NAV3: variants seen among roughly 807,000 people sequenced by gnomAD.
The protein encoded by NAV3 is pore membrane and/or filament interacting like protein 1.
A neutral mutation model predicts 244.7 loss-of-function variants in NAV3; 87 were observed. That is an observed-to-expected ratio of 0.36 (90% CI 0.30 to 0.42). NAV3 has a LOEUF of 0.42. Ranked by LOEUF, NAV3 falls within the 20% of genes least tolerant of loss-of-function variation. The pLI is 1.00. For synonymous variants in NAV3, 1,126 were observed against 1,042.2 expected, an observed-to-expected ratio of 1.08 and a Z score of -1.55; for missense variants, 2,663 against 2,893.3, an observed-to-expected ratio of 0.92 and a Z score of 1.83.
chr12:77,996,320 C>T (rs1872342535), intron 6 of NAV3, among the ~76,000 whole-genome samples: 1 of 152,146 alleles, frequency 6.6e-6, no homozygotes, highest in South Asian at 2.1e-4. Context: ...CTGTAAATTC[C>T]TAGCATCTGT....
intron 20 of NAV3, among the ~76,000 whole-genome samples, chr12:78,142,342 A>C (rs1303819225): frequency 1.3e-5 from 2 of 152,048 alleles, no homozygotes; most frequent in Non-Finnish European, 2.9e-5. Flanking sequence ...TGTCCAGTAG[A>C]CCTTTCTGTG....
chr12:77,934,849 A>G (rs1032092925), intron 1 of NAV3, among the ~76,000 whole-genome samples: 17 of 152,190 alleles, frequency 1.1e-4, no homozygotes, highest in African/African-American at 4.1e-4. Context: ...AAATAAGTAC[A>G]GGGTTAAAAT....
intron 1 of NAV3, among the ~76,000 whole-genome samples, chr12:77,871,247 GA>G (rs1277749496): frequency 1.3e-5 from 2 of 151,936 alleles, no homozygotes; most frequent in Non-Finnish European, 2.9e-5. Flanking sequence ...ATAAGAAGAA[GA>G]AAAAAATTAG....
rs1870767311 is a variant in NAV3 at position 77,608,468 on chromosome 12, T to C, written c.72+36202T>C. On this transcript the variant is annotated intron_variant, in intron 2 of 8. Transcript: ENST00000550042. Reference sequence around the variant, plus strand: ...TGCATGTAATTTAAGCAGACTGTTATATCCTATGTGCAAAATATTTGCTTT... The same window carrying C: ...TGCATGTAATTTAAGCAGACTGTTACATCCTATGTGCAAAATATTTGCTTT... 2.0e-5 allele frequency among the ~76,000 whole-genome samples: 3 copies of C among 152,104 alleles called. No individual in the cohort carries two copies. The South Asian group carries it at 6.2e-4, about 31-fold the overall frequency.
At chr12:77,720,289 A>G (rs1876554313) in intron 2 of NAV3, among the ~76,000 whole-genome samples, 1 of 152,112 alleles carries the variant, frequency 6.6e-6, no homozygotes, top group Non-Finnish European at 1.5e-5. Flanking sequence ...TTGAAAAAAC[A>G]GTCACTTTTC....
At chr12:78,078,238 G>T (rs142936791) in intron 12 of NAV3, among the ~76,000 whole-genome samples, 1 of 152,094 alleles carries the variant, frequency 6.6e-6, no homozygotes, top group African/African-American at 2.4e-5. Flanking sequence ...AGGTTCTAGG[G>T]TTAGGGTTTC....
chr12:78,031,047 A>G (rs76795376), intron 9 of NAV3, among the ~76,000 whole-genome samples: 2,320 of 152,302 alleles, frequency 0.015, 24 homozygotes, highest in Admixed American at 0.039. Context: ...CTCAGTGAGG[A>G]ATAATTCTGC....
At chr12:77,815,149 T>C (rs1246027497) in intron 2 of NAV3, among the ~76,000 whole-genome samples, 2 of 152,188 alleles carry the variant, frequency 1.3e-5, no homozygotes, top group Admixed American at 6.5e-5. Context: ...CCAGTAAAAT[T>C]TTTAGGCTGA....
chr12:77,736,287 G>A (rs1036412079), intron 2 of NAV3, among the ~76,000 whole-genome samples: 3 of 152,130 alleles, frequency 2.0e-5, no homozygotes, highest in Non-Finnish European at 2.9e-5. Flanking sequence ...AACCCTTTCC[G>A]GAGCCAGAAG....
intron 7 of NAV3, among the ~76,000 whole-genome samples, chr12:77,998,739 G>A (rs1288978825): frequency 6.6e-6 from 1 of 152,062 alleles, no homozygotes; most frequent in Non-Finnish European, 1.5e-5. Context: ...CCTTCCAAAT[G>A]CATGTAAATC....
chr12:77,627,262 CTT>C (rs1034005975), intron 2 of NAV3, among the ~76,000 whole-genome samples: 47 of 152,144 alleles, frequency 3.1e-4, no homozygotes, highest in Admixed American at 2.1e-3. Context: ...ACAAAATAGA[CTT>C]TAAGTAAAAA....
intron 1 of NAV3, among the ~76,000 whole-genome samples, chr12:77,859,129 G>A (rs560735360): frequency 3.3e-4 from 50 of 152,208 alleles, no homozygotes; most frequent in African/African-American, 1.1e-3. Context: ...CAAAGAATGA[G>A]AAGTCAGTTT....
chr12:78,158,277 T>C (rs1040799297), intron 22 of NAV3, among the ~76,000 whole-genome samples: 11 of 152,152 alleles, frequency 7.2e-5, no homozygotes, highest in Admixed American at 6.6e-4. Context: ...TATATCCTTT[T>C]AGGGACACAA....
chr12:78,118,399 T>C (rs566733568), intron 14 of NAV3, 102 bp downstream of exon 14: 2 of 1,418,328 alleles, frequency 1.4e-6, no homozygotes, highest in Non-Finnish European at 1.9e-6. Flanking sequence ...AATACCAAAT[T>C]CTTATCCATA....
At chr12:78,089,627 G>A (rs1166161137) in intron 12 of NAV3, among the ~76,000 whole-genome samples, 4 of 152,042 alleles carry the variant, frequency 2.6e-5, no homozygotes, top group Admixed American at 6.6e-5. Context: ...CAGTTTGAAT[G>A]TATCAGTTGG....
intron 2 of NAV3, among the ~76,000 whole-genome samples, chr12:77,660,436 G>A (rs1014588983): frequency 2.6e-5 from 4 of 152,220 alleles, no homozygotes; most frequent in African/African-American, 9.6e-5. Flanking sequence ...AACCAATTGT[G>A]TGTCTTCCAA....
chr12:77,972,863 C>G (rs537250737), intron 5 of NAV3, among the ~76,000 whole-genome samples: 1 of 152,062 alleles, frequency 6.6e-6, no homozygotes, highest in African/African-American at 2.4e-5. Context: ...AATTAGAGTT[C>G]TAGTTGGCAG....
intron 2 of NAV3, among the ~76,000 whole-genome samples, chr12:77,647,272 G>GAA (rs1872643129): frequency 6.6e-6 from 1 of 152,042 alleles, no homozygotes; most frequent in Non-Finnish European, 1.5e-5. Flanking sequence ...ACATAGAGGA[G>GAA]TAACATTTCT....
intron 2 of NAV3, among the ~76,000 whole-genome samples, chr12:77,628,417 T>C (rs1456152214): frequency 1.3e-5 from 2 of 152,168 alleles, no homozygotes; most frequent in African/African-American, 4.8e-5. Flanking sequence ...AAATTCATGA[T>C]TACAAAGTTA....
Sources: gnomAD v4.1 joint callset for allele counts (sites outside exome capture counted in the v4.1 genomes callset) on GRCh38, gnomAD v4.1.1 for gene constraint, MANE v1.5 for transcripts, NCBI Gene and HGNC (gene_info 2026-07-23, HGNC 2026-07-21) for gene names.